CCDC146: variants seen among roughly 807,000 people sequenced by gnomAD.
The protein encoded by CCDC146 is coiled-coil domain-containing protein 146.
CCDC146 carries 92 observed loss-of-function variants against 119.3 expected under a neutral mutation model. The ratio of observed to expected loss-of-function variants is 0.77; its 90% CI spans 0.65 to 0.92. The LOEUF (loss-of-function observed/expected upper bound fraction) is 0.92, where lower values mean the gene tolerates loss of function less well. Ranked by LOEUF, CCDC146 falls within the 40% of genes least tolerant of loss-of-function variation. CCDC146 has a pLI of 0.00. For missense variants in CCDC146, 1,000 were observed against 1,103.0 expected, an observed-to-expected ratio of 0.91 and a Z score of 1.32; for synonymous variants, 372 against 371.8, an observed-to-expected ratio of 1.00 and a Z score of -0.01.
At chr7:77,284,933 A>G (rs373432550) in intron 15 of CCDC146, among the ~76,000 whole-genome samples, 4 of 151,662 alleles carry the variant, frequency 2.6e-5, no homozygotes, top group African/African-American at 7.3e-5. Flanking sequence ...CTGCAGTGTC[A>G]GATCCCGGTC....
chr7:77,127,189 G>A (rs1790700344), intron 1 of CCDC146, among the ~76,000 whole-genome samples: 1 of 152,150 alleles, frequency 6.6e-6, no homozygotes, highest in Admixed American at 6.5e-5. Context: ...CAGCAGGGGC[G>A]GGATTCCCCA....
intron 4 of CCDC146, among the ~76,000 whole-genome samples, chr7:77,243,090 G>T (rs549836716): frequency 6.6e-6 from 1 of 152,136 alleles, no homozygotes; most frequent in Non-Finnish European, 1.5e-5. Flanking sequence ...AACAATTGGT[G>T]GTTGTTCATT....
intron 2 of CCDC146, among the ~76,000 whole-genome samples, chr7:77,213,372 C>G (rs996631936): frequency 6.6e-6 from 1 of 152,146 alleles, no homozygotes; most frequent in Non-Finnish European, 1.5e-5. Flanking sequence ...GGATTACAGA[C>G]ATGAGCCACC....
At chr7:77,229,399 A>G (rs886912048) in intron 2 of CCDC146, among the ~76,000 whole-genome samples, 3 of 152,160 alleles carry the variant, frequency 2.0e-5, no homozygotes, top group Non-Finnish European at 2.9e-5. Context: ...GCCTGTGTCT[A>G]TGTCCTGAAT....
intron 11 of CCDC146, among the ~76,000 whole-genome samples, chr7:77,275,631 G>T (rs559822922): frequency 6.6e-6 from 1 of 152,212 alleles, no homozygotes; most frequent in Admixed American, 6.5e-5. Flanking sequence ...GGTAGCATTA[G>T]GTAACTGTCC....
chr7:77,199,396 A>G, intron 2 of CCDC146: 1 of 1,614,014 alleles, frequency 6.2e-7, no homozygotes, highest in Non-Finnish European at 8.5e-7. Flanking sequence ...CTCACTCTCT[A>G]ATTCTCTAAC....
chr7:77,292,053 T>C (rs1356704996), intron 17 of CCDC146, among the ~76,000 whole-genome samples: 1 of 151,870 alleles, frequency 6.6e-6, no homozygotes, highest in Non-Finnish European at 1.5e-5. Context: ...CCCAGCACTT[T>C]GGGAGGCCGA....
chr7:77,234,129 C>A (rs1241612576), intron 2 of CCDC146, among the ~76,000 whole-genome samples: 1 of 152,178 alleles, frequency 6.6e-6, no homozygotes, highest in African/African-American at 2.4e-5. Context: ...TAGCTAGTTA[C>A]TGGGCTAGCC....
rs1381150569 is a variant in CCDC146, at chr7:77,278,841, G to A, written c.1529+1G>A. 2 of 1,608,932 alleles carry A rather than the reference G, an allele frequency of 1.2e-6. No homozygotes were observed. Among genetic ancestry groups the A allele is most frequent in the East Asian group, 2.2e-5 (1 of 44,816 alleles). On this transcript the variant is annotated splice_donor_variant, in intron 12 of 18. Transcript: ENST00000285871. LOFTEE classifies it high-confidence loss of function. ...AGAAAAAATGTGAAATTTATCGGAG[G>A]TAAAGTAATTATGTGGTGTTTTATC...
chr7:77,133,642 C>A (rs1011930338), intron 1 of CCDC146, among the ~76,000 whole-genome samples: 37 of 137,996 alleles, frequency 2.7e-4, no homozygotes, highest in African/African-American at 8.5e-4. Context: ...CCACGCCCAG[C>A]CTGGAACACC....
chr7:77,211,152 C>G (rs962701289), intron 2 of CCDC146, among the ~76,000 whole-genome samples: 17 of 152,106 alleles, frequency 1.1e-4, no homozygotes, highest in African/African-American at 4.1e-4. Context: ...AAAACATTAG[C>G]TCTCAGTAAT....
At chr7:77,258,489 T>C (rs957990060) in intron 6 of CCDC146, among the ~76,000 whole-genome samples, 1 of 152,232 alleles carries the variant, frequency 6.6e-6, no homozygotes, top group Non-Finnish European at 1.5e-5. Flanking sequence ...ATTTTCAGTA[T>C]TGAATAAATT....
intron 2 of CCDC146, among the ~76,000 whole-genome samples, chr7:77,201,297 A>C (rs1584067213): frequency 6.6e-6 from 1 of 151,770 alleles, no homozygotes; most frequent in Admixed American, 6.6e-5. Context: ...ATCCCAACAC[A>C]TTGGGAGGCC....
intron 8 of CCDC146, among the ~76,000 whole-genome samples, chr7:77,260,702 C>T (rs1793277758): frequency 6.6e-6 from 1 of 152,216 alleles, no homozygotes; most frequent in Admixed American, 6.5e-5. Context: ...TCTTGGCTCA[C>T]TGCAACCTCT....
chr7:77,234,818 C>A (rs1792703504), intron 2 of CCDC146, among the ~76,000 whole-genome samples: 2 of 151,878 alleles, frequency 1.3e-5, no homozygotes, highest in Non-Finnish European at 2.9e-5. Flanking sequence ...GTAGAGTATC[C>A]TCAAAGGTCT....
rs530176558 is a variant in CCDC146 at position 77,241,177 on chromosome 7, C to T, written c.240-514C>T. ...GGTTCACGCCATTCTCCTGCCTCAGCCTCCCGAGTAGCTGGGACTACAGGC... is the reference window on the plus strand; with the variant it reads ...GGTTCACGCCATTCTCCTGCCTCAGTCTCCCGAGTAGCTGGGACTACAGGC... On this transcript the variant is annotated intron_variant, in intron 3 of 18. Transcript: ENST00000285871. Among the ~76,000 whole-genome samples the T allele has an allele frequency of 2.0e-3, 296 of 149,726 alleles. 1 individual carries two copies. Among genetic ancestry groups the T allele is most frequent in the Middle Eastern group, 3.5e-3 (1 of 288 alleles).
chr7:77,222,334 T>C (rs866306389), intron 2 of CCDC146, among the ~76,000 whole-genome samples: 1 of 152,186 alleles, frequency 6.6e-6, no homozygotes, highest in Non-Finnish European at 1.5e-5. Flanking sequence ...CCATGCTAAA[T>C]GCACTATTAC....
chr7:77,263,543 G>C (rs1793343107), intron 9 of CCDC146, among the ~76,000 whole-genome samples: 1 of 152,214 alleles, frequency 6.6e-6, no homozygotes, highest in African/African-American at 2.4e-5. Flanking sequence ...AGCAACATGT[G>C]TGAAAAAATC....
chr7:77,247,544 A>AT (rs1362088010), intron 4 of CCDC146, among the ~76,000 whole-genome samples: 1 of 152,266 alleles, frequency 6.6e-6, no homozygotes, highest in Non-Finnish European at 1.5e-5. Context: ...ACTAATCTAT[A>AT]TTAAATTCAA....
Sources: gnomAD v4.1 joint callset for allele counts (sites outside exome capture counted in the v4.1 genomes callset) on GRCh38, gnomAD v4.1.1 for gene constraint, MANE v1.5 for transcripts, NCBI Gene and HGNC (gene_info 2026-07-23, HGNC 2026-07-21) for gene names.